LRRC37A: variants seen among roughly 807,000 people sequenced by gnomAD.
The protein encoded by LRRC37A is leucine rich repeat containing 37A.
In LRRC37A, 3 loss-of-function variants were observed where a neutral mutation model predicts 35.4. That is an observed-to-expected ratio of 0.08 (90% CI 0.04 to 0.22). The LOEUF is 0.22. LRRC37A is among the 10% of genes least tolerant of loss of function. LRRC37A has a pLI of 1.00. For missense variants in LRRC37A, 67 were observed against 565.3 expected (o/e 0.12, Z 8.94); for synonymous variants, 23 against 215.0 (o/e 0.11, Z 7.81).
the LRRC37A span, chr17:46,259,504 G>A: frequency 1.3e-6 from 2 of 1,596,376 alleles, no homozygotes; most frequent in Non-Finnish European, 8.6e-7. Flanking sequence ...GCCTGATACA[G>A]GCTCTGCATG....
At chr17:46,254,395 GTATTTATT>G in the LRRC37A span, among the ~76,000 whole-genome samples, 1 of 151,284 alleles carries the variant, frequency 6.6e-6, no homozygotes, top group African/African-American at 2.4e-5. Flanking sequence ...GCCATTTATT[GTATTTATT>G]TATTTATTTA....
At chr17:46,285,153 G>A in the LRRC37A span, among the ~76,000 whole-genome samples, 1 of 152,258 alleles carries the variant, frequency 6.6e-6, no homozygotes, top group East Asian at 1.9e-4. Flanking sequence ...ATAGGTGTGA[G>A]CAACCACACT....
chr17:46,250,409 A>G, the LRRC37A span, among the ~76,000 whole-genome samples: 1 of 152,230 alleles, frequency 6.6e-6, no homozygotes, highest in African/African-American at 2.4e-5. Flanking sequence ...GGGTGTTCCC[A>G]AAGGAGATTA....
upstream of LRRC37A, among the ~76,000 whole-genome samples, chr17:46,291,969 C>CAAAAAAAAAAA (rs59554870): frequency 4.2e-3 from 246 of 58,020 alleles, no homozygotes; most frequent in Non-Finnish European, 5.9e-3. Context: ...TCTCAAAAAG[C>CAAAAAAAAAAA]AAAAAAAAAA....
chr17:46,288,155 A>ACTCTTTT (rs2049968363), upstream of LRRC37A, among the ~76,000 whole-genome samples: 2 of 139,800 alleles, frequency 1.4e-5, no homozygotes, highest in Non-Finnish European at 3.3e-5. Context: ...GTTACCACTA[A>ACTCTTTT]CTTTTTTCTT....
chr17:46,258,707 C>CTTGTT, the LRRC37A span, among the ~76,000 whole-genome samples: 11 of 81,136 alleles, frequency 1.4e-4, no homozygotes, highest in South Asian at 3.5e-4. Context: ...GACTATTATT[C>CTTGTT]TTTTTTTTTT....
the LRRC37A span, among the ~76,000 whole-genome samples, chr17:46,282,581 AT>A: frequency 3.5e-3 from 481 of 136,068 alleles, no homozygotes; most frequent in East Asian, 3.1e-3. Context: ...AGCCTGGTTA[AT>A]TTTTTTTTTT....
At chr17:46,253,671 G>A in the LRRC37A span, among the ~76,000 whole-genome samples, 1 of 151,500 alleles carries the variant, frequency 6.6e-6, no homozygotes, top group Non-Finnish European at 1.5e-5. Flanking sequence ...ATCAGGCAGG[G>A]AGGTTGCAGT....
At chr17:46,251,415 C>A in the LRRC37A span, among the ~76,000 whole-genome samples, 1 of 152,086 alleles carries the variant, frequency 6.6e-6, no homozygotes, top group African/African-American at 2.4e-5. Flanking sequence ...TGCACCATCA[C>A]GCCTGGCTAA....
the LRRC37A span, among the ~76,000 whole-genome samples, chr17:46,284,438 C>T: frequency 6.6e-6 from 1 of 152,204 alleles, no homozygotes; most frequent in Non-Finnish European, 1.5e-5. Context: ...TCTCAGAGAG[C>T]ACGGGGTTGG....
upstream of LRRC37A, among the ~76,000 whole-genome samples, chr17:46,289,560 G>A (rs192087191): frequency 7.3e-4 from 111 of 152,192 alleles, no homozygotes; most frequent in African/African-American, 2.6e-3. Flanking sequence ...GGCTGGTCTC[G>A]AACTCCTGAC....
the LRRC37A span, among the ~76,000 whole-genome samples, chr17:46,265,292 TTCTTCTTCTTCTTCTTCTTCTTCC>T: frequency 6.4e-5 from 6 of 94,384 alleles, no homozygotes; most frequent in South Asian, 8.9e-4. Flanking sequence ...CTTCTTCTTC[TTCTTCTTCTTCTTCTTCTTCTTCC>T]TCTTCTTCTT....
At chr17:46,268,530 A>C in the LRRC37A span, 1 of 1,450,084 alleles carries the variant, frequency 6.9e-7, no homozygotes, top group Non-Finnish European at 9.1e-7. Context: ...GATGGGCCAC[A>C]TCTACCATAA....
chr17:46,275,372 A>G, the LRRC37A span: 1 of 1,006,864 alleles, frequency 9.9e-7, no homozygotes, highest in South Asian at 1.3e-5. Flanking sequence ...TTAGGTTAAC[A>G]TGCTGAACTT....
chr17:46,277,644 T>C, the LRRC37A span, among the ~76,000 whole-genome samples: 14,652 of 144,398 alleles, frequency 0.1, 1 homozygote, highest in Non-Finnish European at 0.16. Context: ...TTCTTTTCTT[T>C]CTTTCTTTCT....
At chr17:46,288,210 C>T (rs865831618), upstream of LRRC37A, among the ~76,000 whole-genome samples, 11,117 of 140,990 alleles carry the variant, frequency 0.079, no homozygotes, top group Middle Eastern at 0.13. Flanking sequence ...GGCAGGATCA[C>T]GGCCCCCTGC....
chr17:46,279,488 T>A, the LRRC37A span, among the ~76,000 whole-genome samples: 1 of 148,054 alleles, frequency 6.8e-6, no homozygotes, highest in African/African-American at 2.5e-5. Flanking sequence ...CTGGCCTTTT[T>A]TTTCTTTCTT....
the LRRC37A span, chr17:46,260,513 A>G: frequency 6.2e-7 from 1 of 1,605,080 alleles, no homozygotes; most frequent in Non-Finnish European, 8.5e-7. Flanking sequence ...CTGCCCGTTC[A>G]CCTGCACCAG....
chr17:46,260,278 T>C, the LRRC37A span: 4 of 1,515,068 alleles, frequency 2.6e-6, no homozygotes, highest in Admixed American at 2.0e-5. Flanking sequence ...CAGCGGGCGA[T>C]GGCGGCCTGC....
Sources: allele counts gnomAD v4.1 joint callset (sites outside exome capture counted in the v4.1 genomes callset), GRCh38; gene constraint gnomAD v4.1.1; transcripts MANE v1.5; gene names NCBI Gene and HGNC (gene_info 2026-07-23, HGNC 2026-07-21).